The following ARAP2 variants were observed in gnomAD, a reference collection of about 807,000 sequenced individuals.
The protein encoded by ARAP2 is arf-GAP with Rho-GAP domain, ANK repeat and PH domain-containing protein 2.
Under a neutral mutation model 194.5 loss-of-function variants are expected in ARAP2, and 148 were observed. The observed-to-expected ratio is 0.76, with a 90% CI of 0.67 to 0.87. The LOEUF (loss-of-function observed/expected upper bound fraction) is 0.87. Ranked by LOEUF, ARAP2 falls within the 40% of genes least tolerant of loss-of-function variation. The pLI, the probability that ARAP2 is intolerant of heterozygous loss-of-function variation, is 0.00. For missense variants in ARAP2, 2,128 were observed against 1,989.7 expected (o/e 1.07, Z -1.32); for synonymous variants, 695 against 683.5 (o/e 1.02, Z -0.26).
intron 13 of ARAP2, 142 bp downstream of exon 13, chr4:36,160,317 T>C: frequency 8.1e-7 from 1 of 1,230,252 alleles, no homozygotes; most frequent in Non-Finnish European, 1.0e-6. Flanking sequence ...GGGAAACCAC[T>C]GAAATAATGT....
chr4:36,106,925 T>C (rs1357720853), intron 27 of ARAP2, among the ~76,000 whole-genome samples: 1 of 151,980 alleles, frequency 6.6e-6, no homozygotes, highest in Non-Finnish European at 1.5e-5. Flanking sequence ...CCTGGCTTTT[T>C]TTTGATCTTT....
At chr4:36,033,038 T>C (rs1719268451) in intron 5 of ARAP2, among the ~76,000 whole-genome samples, 1 of 152,218 alleles carries the variant, frequency 6.6e-6, no homozygotes, top group Admixed American at 6.5e-5. Context: ...TATTCCACAC[T>C]GTATATGCAC....
intron 2 of ARAP2, among the ~76,000 whole-genome samples, chr4:36,221,761 A>G (rs988005221): frequency 2.0e-5 from 3 of 152,172 alleles, no homozygotes; most frequent in Non-Finnish European, 4.4e-5. Context: ...AAAACTCTTG[A>G]GTAGCAACTT....
chr4:36,070,462 G>A (rs977584930), intron 32 of ARAP2, among the ~76,000 whole-genome samples: 3 of 152,234 alleles, frequency 2.0e-5, no homozygotes, highest in African/African-American at 4.8e-5. Context: ...GTCACAGGGT[G>A]CTGAGGGAAA....
intron 5 of ARAP2, among the ~76,000 whole-genome samples, chr4:36,026,064 T>C (rs1717854817): frequency 6.6e-6 from 1 of 152,184 alleles, no homozygotes; most frequent in Non-Finnish European, 1.5e-5. Flanking sequence ...TCTTTAAATG[T>C]AATATAATAC....
intron 19 of ARAP2, among the ~76,000 whole-genome samples, chr4:36,140,137 A>AGTACACACAC (rs1553917251): frequency 2.1e-5 from 1 of 47,566 alleles, no homozygotes; most frequent in Non-Finnish European, 5.1e-5. Flanking sequence ...AAACAAAAAC[A>AGTACACACAC]ATACACACAC....
At chr4:36,165,216 C>T (rs1735005081) in intron 10 of ARAP2, 103 bp from the exon 11 acceptor site, 2 of 1,119,298 alleles carry the variant, frequency 1.8e-6, no homozygotes, top group African/African-American at 3.1e-5. Flanking sequence ...TAAACAACAG[C>T]TGAAAAATAT....
At chr4:36,073,974 G>T in intron 31 of ARAP2, 151 bp from the exon 32 acceptor site, 1 of 993,910 alleles carries the variant, frequency 1.0e-6, no homozygotes. Flanking sequence ...TGACTCTGGT[G>T]GCAGCATCGC....
At chr4:36,056,868 C>T (rs942158958) in intron 2 of ARAP2, among the ~76,000 whole-genome samples, 1 of 152,042 alleles carries the variant, frequency 6.6e-6, no homozygotes, top group African/African-American at 2.4e-5. Flanking sequence ...ATTACATTCA[C>T]TTCTTCCCTG....
chr4:36,181,573 T>A (rs1406266918), intron 8 of ARAP2, among the ~76,000 whole-genome samples: 1 of 152,214 alleles, frequency 6.6e-6, no homozygotes, highest in Non-Finnish European at 1.5e-5. Flanking sequence ...GACCTTTACT[T>A]CTGATATGTT....
At chr4:36,014,939 T>C (rs1179865311) in intron 8 of ARAP2, among the ~76,000 whole-genome samples, 1 of 152,132 alleles carries the variant, frequency 6.6e-6, no homozygotes, top group Admixed American at 6.6e-5. Flanking sequence ...ACTAGGAAAA[T>C]TGCTCTGTTT....
chr4:36,157,862 G>A (rs1578111599), intron 15 of ARAP2, among the ~76,000 whole-genome samples: 1 of 152,018 alleles, frequency 6.6e-6, no homozygotes, highest in South Asian at 2.1e-4. Flanking sequence ...TCACATATAT[G>A]AGGATTAACA....
chr4:36,136,539 C>A (rs961807553), intron 19 of ARAP2, among the ~76,000 whole-genome samples: 1 of 151,508 alleles, frequency 6.6e-6, no homozygotes, highest in Non-Finnish European at 1.5e-5. Context: ...AGTGCCTTCA[C>A]AAATAATAGA....
Position 36,072,667 on chromosome 4 carries a change from C to CAA in ARAP2, c.4743+1020_4743+1021dup, listed in dbSNP as rs34942520. On this transcript the variant is annotated intron_variant, in intron 32 of 32. Transcript: ENST00000303965. The stretch of plus-strand genomic sequence containing the variant: ...GAGCGGTTTATTACCTAAAAAAAAA[C>CAA]AAAAAAAAAACCCCAAAAAAAACAA... Among the ~76,000 whole-genome samples the CAA allele has an allele frequency of 5.9e-3, 757 of 128,632 alleles. 5 individuals carry two copies. The highest frequency in any genetic ancestry group is 7.9e-3 in the Middle Eastern group (2 of 254). The allele number at this position is 128,632 out of a possible 152,430, so 84.4% of individuals were successfully genotyped here.
At chr4:36,145,938 G>A (rs1409236755) in intron 19 of ARAP2, among the ~76,000 whole-genome samples, 1 of 151,880 alleles carries the variant, frequency 6.6e-6, no homozygotes, top group African/African-American at 2.4e-5. Flanking sequence ...CTTAATTTTA[G>A]ACATGCGTAT....
intron 19 of ARAP2, among the ~76,000 whole-genome samples, chr4:36,144,879 C>T (rs550893953): frequency 5.3e-5 from 8 of 151,784 alleles, no homozygotes; most frequent in South Asian, 2.1e-4. Flanking sequence ...TATATAAAGA[C>T]GACACAGATG....
intron 31 of ARAP2, among the ~76,000 whole-genome samples, chr4:36,076,760 G>A (rs1323370759): frequency 2.0e-5 from 3 of 151,952 alleles, no homozygotes; most frequent in African/African-American, 7.3e-5. Flanking sequence ...CTGTGCCTGA[G>A]TTTTTGATCC....
rs754960122 is a variant in ARAP2 at position 36,204,987 on chromosome 4, CAAAAAAAAAAAAAAAAAAAAA to C, written c.1487+5382_1487+5402del. Among the ~76,000 whole-genome samples, 31 of 35,086 alleles carry C rather than the reference CAAAAAAAAAAAAAAAAAAAAA, an allele frequency of 8.8e-4. No individual in the cohort carries two copies. The South Asian group carries it at 0.013, about 15-fold the overall frequency. The allele number at this position is 35,086 out of a possible 152,430, so 23.0% of individuals were successfully genotyped here. ...TGGGCAACCGAGCGAGACTCCATCT[CAAAAAAAAAAAAAAAAAAAAA>C]AAAAAAAAAAAAAAAATCAAGCAAA... is the stretch of plus-strand genomic sequence containing the variant. On this transcript the variant is annotated intron_variant, in intron 6 of 32. Transcript: ENST00000303965.
At chr4:36,181,249 A>G (rs768658213) in intron 8 of ARAP2, among the ~76,000 whole-genome samples, 11 of 152,200 alleles carry the variant, frequency 7.2e-5, no homozygotes, top group African/African-American at 1.2e-4. Context: ...CAGGCTGGAC[A>G]AAAAGAAAGG....
Sources: gnomAD v4.1 joint callset for allele counts (sites outside exome capture counted in the v4.1 genomes callset) on GRCh38, gnomAD v4.1.1 for gene constraint, MANE v1.5 for transcripts, NCBI Gene and HGNC (gene_info 2026-07-23, HGNC 2026-07-21) for gene names.